The following CPA1 variants were observed in gnomAD, a reference collection of about 807,000 sequenced individuals.
CPA1 encodes the protein carboxypeptidase A1 (pancreatic).
In CPA1, 42 loss-of-function variants were observed where a neutral mutation model predicts 48.7. That is an observed-to-expected ratio of 0.86 (90% CI 0.67 to 1.11). The LOEUF (loss-of-function observed/expected upper bound fraction) is 1.11. Ranked by LOEUF, CPA1 falls within the 50% of genes most tolerant of loss-of-function variation. The pLI, the probability that CPA1 is intolerant of heterozygous loss-of-function variation, is 0.00. For missense variants in CPA1, 477 were observed against 544.7 expected (o/e 0.88, Z 1.24); for synonymous variants, 203 against 217.9 (o/e 0.93, Z 0.60).
chr7:130,381,919 G>A, intron 3 of CPA1, 56 bp downstream of exon 3: 2 of 1,509,352 alleles, frequency 1.3e-6, no homozygotes, highest in East Asian at 2.3e-5. Context: ...ATCATGGCTG[G>A]TAGAACGCGG....
In CPA1 at chr7:130,386,727, A is replaced by C. The variant is rs528349371; in HGVS notation, c.1072+804A>C. 5.3e-5 allele frequency among the ~76,000 whole-genome samples: 8 copies of C among 152,356 alleles called. No individual in the cohort carries two copies. In the South Asian group the frequency reaches 1.4e-3, roughly 28 times the overall value. On this transcript the variant is annotated intron_variant, in intron 9 of 9. Coordinates refer to ENST00000011292, the MANE Select transcript of CPA1 (RefSeq NM_001868.4). ...TGTTTCATGTACTTGGGATATAGCCATGAATGAAATAAGCAAAGATCAGGG... is the reference window on the plus strand; with the variant it reads ...TGTTTCATGTACTTGGGATATAGCCCTGAATGAAATAAGCAAAGATCAGGG...
Position 130,384,618 on chromosome 7 carries a change from G to A in CPA1, c.779G>A (p.Gly260Asp), listed in dbSNP as rs1554411743. The A allele has an allele frequency of 3.1e-6, 5 of 1,614,004 alleles. No individual in the cohort carries two copies. The South Asian group carries it at 4.4e-5, about 14-fold the overall frequency. The change falls in exon 7 of 10, where the codon GGC becomes GAC. Residue 260 changes from glycine to aspartate, a missense_variant. Coordinates refer to ENST00000011292, the MANE Select transcript of CPA1 (RefSeq NM_001868.4). ...GACCCCAACAGGAACTGGGACGCTG[G>A]CTTTGGGTGTAAGGCCCAGAGTGTC... ...GVDPNRNWDA[G>D]FGLSGASSNP...
At chr7:130,383,369 C>A in intron 4 of CPA1, 22 bp from the exon 5 acceptor site, 1 of 1,605,346 alleles carries the variant, frequency 6.2e-7, no homozygotes. Context: ...TGCCTCTGAT[C>A]ACTCCCCTGC....
Position 130,382,612 on chromosome 7 carries a change from T to A in CPA1, c.483+403T>A, listed in dbSNP as rs546958766. On this transcript the variant is annotated intron_variant, in intron 4 of 9. Coordinates refer to ENST00000011292, the MANE Select transcript of CPA1 (RefSeq NM_001868.4). The stretch of plus-strand genomic sequence containing the variant: ...CCGAGTAGCTGAGACTACAAGCACG[T>A]GCCACCATGCCCGGGTAATTTTTTT... 2.0e-5 allele frequency among the ~76,000 whole-genome samples: 3 copies of A among 147,630 alleles called. No homozygotes were observed. In the South Asian group the frequency reaches 6.4e-4, roughly 32 times the overall value.
intron 9 of CPA1, among the ~76,000 whole-genome samples, chr7:130,386,990 A>G (rs1796484350): frequency 6.6e-6 from 1 of 152,216 alleles, no homozygotes; most frequent in Admixed American, 6.5e-5. Flanking sequence ...CCAGCTAGGA[A>G]GAGCCTTCCA....
rs782710719 is a variant in CPA1 at position 130,381,858 on chromosome 7, G to C, written c.376G>C (p.Glu126Gln). The change falls in exon 3 of 10, where the codon GAG becomes CAG. Residue 126 changes from glutamate (E) to glutamine (Q), a missense_variant. By Grantham distance (29) the Glu-to-Gln change is conservative. Transcript: ENST00000011292. ...TAACTACGCCACCTACCACACCCTG[G>C]AGGAGGTGAGGGCGCCCCTAGCGGC... is the stretch of plus-strand genomic sequence containing the variant. ...TFNYATYHTL[E>Q]EIYDFLDLLV... 1 of 1,613,070 alleles carries C rather than the reference G, an allele frequency of 6.2e-7. No individual in the cohort carries two copies. The highest frequency in any genetic ancestry group is 8.5e-7 in the Non-Finnish European group (1 of 1,179,638).
In CPA1 at chr7:130,387,840, C is replaced by G; in HGVS notation, c.1089C>G (p.Ser363Arg). 1 of 1,614,020 alleles carries G rather than the reference C, an allele frequency of 6.2e-7. No individual in the cohort carries two copies. The highest frequency in any genetic ancestry group is 8.5e-7 in the Non-Finnish European group (1 of 1,179,986). ...IIKAIYQASG[S>R]TIDWTYSQGI... ...CTGCCCCAGATCAAGCCAGTGGAAGCACTATTGACTGGACCTACAGCCAGG... is the reference window on the plus strand; with the variant it reads ...CTGCCCCAGATCAAGCCAGTGGAAGGACTATTGACTGGACCTACAGCCAGG... Residue 363 changes from serine to arginine, a missense_variant, in exon 10 of 10, where the codon AGC becomes AGG. Coordinates refer to ENST00000011292, the MANE Select transcript of CPA1 (RefSeq NM_001868.4). This position sits in a 1 kb window ranked among gnomAD's most constrained non-coding sequence, Gnocchi z 4.6.
At position 130,387,835 on chromosome 7, in the gene CPA1, G is replaced by A; in HGVS notation, c.1084G>A (p.Gly362Arg). The A allele has an allele frequency of 6.2e-7, 1 of 1,613,936 alleles. No individual in the cohort carries two copies. Among genetic ancestry groups the A allele is most frequent in the Non-Finnish European group, 8.5e-7 (1 of 1,179,932 alleles). ...SIIKAIYQASGSTIDWTYSQG... is the reference protein window; with the variant it reads ...SIIKAIYQASRSTIDWTYSQG... Reference sequence around the variant, plus strand: ...TACTCCTGCCCCAGATCAAGCCAGTGGAAGCACTATTGACTGGACCTACAG... The same window carrying A: ...TACTCCTGCCCCAGATCAAGCCAGTAGAAGCACTATTGACTGGACCTACAG... The change falls in exon 10 of 10, where the codon GGA becomes AGA. Residue 362 changes from glycine (G) to arginine (R), a missense_variant. Coordinates refer to ENST00000011292, the MANE Select transcript of CPA1 (RefSeq NM_001868.4). The surrounding 1 kb of genome is among the most constrained non-coding windows in gnomAD (Gnocchi z 4.6).
chr7:130,382,057 C>A, intron 3 of CPA1, 51 bp from the exon 4 acceptor site: 2 of 1,492,368 alleles, frequency 1.3e-6, no homozygotes, highest in Non-Finnish European at 1.9e-6. Context: ...AGGGAAGCAT[C>A]TGGGTGCCCA....
chr7:130,384,426 C>CTT (rs1796445452), intron 6 of CPA1, 110 bp from the exon 7 acceptor site: 1 of 885,774 alleles, frequency 1.1e-6, no homozygotes, highest in East Asian at 2.5e-5. Flanking sequence ...CTCCAGGGAG[C>CTT]CCTCCCCTCA....
Position 130,381,850 on chromosome 7 carries a change from A to T in CPA1, c.368A>T (p.His123Leu). The T allele has an allele frequency of 6.2e-7, 1 of 1,613,364 alleles. No homozygotes were observed. The highest frequency in any genetic ancestry group is 8.5e-7 in the Non-Finnish European group (1 of 1,179,720). The change falls in exon 3 of 10, where the codon CAC becomes CTC. Residue 123 changes from histidine (H) to leucine (L), a missense_variant. Physicochemically the swap from His to Leu is moderately conservative, Grantham distance 99. Coordinates refer to ENST00000011292, the MANE Select transcript of CPA1 (RefSeq NM_001868.4). ...GACACTTTTAACTACGCCACCTACC[A>T]CACCCTGGAGGAGGTGAGGGCGCCC... ...STDTFNYATY[H>L]TLEEIYDFLD... is the part of the protein sequence containing the mutation.
chr7:130,381,753 G>T lies in CPA1; in HGVS notation c.271G>T (p.Glu91Ter). Residue 91 changes from glutamate to a stop codon, truncating the protein, a stop_gained, in exon 3 of 10, where the codon GAG becomes TAG. Coordinates refer to ENST00000011292, the MANE Select transcript of CPA1 (RefSeq NM_001868.4). LOFTEE classifies it high-confidence loss of function. Reference protein sequence around the residue: ...SHGISYETMIEDVQSLLDEEQ... With the variant: ...SHGISYETMI ...CGGCATCAGCTATGAGACCATGATC[G>T]AGGACGTGCAGTCGCTGCTGGACGA... 1 of 1,614,168 alleles carries T rather than the reference G, an allele frequency of 6.2e-7. No individual in the cohort carries two copies. Among genetic ancestry groups the T allele is most frequent in the Non-Finnish European group, 8.5e-7 (1 of 1,180,018 alleles).
rs1554412223 is a variant in CPA1, at chr7:130,387,852, G to A, written c.1101G>A (p.Trp367Ter). Reference sequence around the variant, plus strand: ...AAGCCAGTGGAAGCACTATTGACTGGACCTACAGCCAGGGCATCAAGTACT... The same window carrying A: ...AAGCCAGTGGAAGCACTATTGACTGAACCTACAGCCAGGGCATCAAGTACT... ...IYQASGSTID[W>*]TYSQGIKYSF... Residue 367 changes from tryptophan to a stop codon, truncating the protein, a stop_gained, in exon 10 of 10, where the codon TGG becomes TGA. Coordinates refer to ENST00000011292, the MANE Select transcript of CPA1 (RefSeq NM_001868.4). LOFTEE classifies it high-confidence loss of function. The surrounding 1 kb of genome is among the most constrained non-coding windows in gnomAD (Gnocchi z 4.6). 1.9e-6 allele frequency: 3 copies of A among 1,614,076 alleles called. No individual in the cohort carries two copies. The highest frequency in any genetic ancestry group is 2.5e-6 in the Non-Finnish European group (3 of 1,180,028).
rs969960156 is a variant in CPA1, at chr7:130,381,981, C to T, written c.381+118C>T. ...GTGTGCGCAGCGCCTGCTCTGTTTC[C>T]ATGTGGCCTGTGTGGTCGTAGCTCC... On this transcript the variant is annotated intron_variant, in intron 3 of 9. Transcript: ENST00000011292. 8 of 1,198,138 alleles carry T rather than the reference C, an allele frequency of 6.7e-6. No individual in the cohort carries two copies. The African/African-American group carries it at 1.2e-4, about 18-fold the overall frequency. 74.2% of individuals were successfully genotyped at this position (1,198,138 alleles called of 1,614,324 possible). A position where few individuals can be genotyped will look rare whatever the true frequency, so the allele number is the denominator to read the frequency against.
chr7:130,385,118 CA>C, intron 7 of CPA1, 27 bp from the exon 8 acceptor site: 1 of 1,610,840 alleles, frequency 6.2e-7, no homozygotes, highest in Non-Finnish European at 8.5e-7. Flanking sequence ...GGAGGAGCCA[CA>C]CCGCCATGCC....
At chr7:130,381,957 T>C (rs1331968194) in intron 3 of CPA1, 94 bp downstream of exon 3, 2 of 1,267,962 alleles carry the variant, frequency 1.6e-6, no homozygotes, top group African/African-American at 1.5e-5. Flanking sequence ...CCAGCCTGGG[T>C]GTGCGCAGCG....
chr7:130,381,614 C>T lies in CPA1; in HGVS notation c.148-16C>T, dbSNP rs1796404997. ...CCCCAGCCCGCTGTGACCGTGCCGG[C>T]TCTTGTCCTCCCCAGCTGGACTTCT... is the stretch of plus-strand genomic sequence containing the variant. On this transcript the variant is annotated splice_polypyrimidine_tract_variant and intron_variant, in intron 2 of 9. Coordinates refer to ENST00000011292, the MANE Select transcript of CPA1 (RefSeq NM_001868.4). 1.2e-6 allele frequency: 2 copies of T among 1,606,026 alleles called. No individual in the cohort carries two copies. The highest frequency in any genetic ancestry group is 1.3e-5 in the African/African-American group (1 of 74,774).
chr7:130,381,988 C>G, intron 3 of CPA1, 120 bp from the exon 4 acceptor site: 1 of 1,189,678 alleles, frequency 8.4e-7, no homozygotes, highest in Non-Finnish European at 1.2e-6. Flanking sequence ...TTCCATGTGG[C>G]CTGTGTGGTC....
Position 130,384,527 on chromosome 7 carries a change from C to T in CPA1, c.697-9C>T, listed in dbSNP as rs781827322. 3.7e-6 allele frequency: 6 copies of T among 1,613,772 alleles called. 1 individual carries two copies. In the African/African-American group the frequency reaches 8.0e-5, roughly 22 times the overall value. On this transcript the variant is annotated splice_polypyrimidine_tract_variant and intron_variant, in intron 6 of 9. Coordinates refer to ENST00000011292, the MANE Select transcript of CPA1 (RefSeq NM_001868.4). ...GCCTCGGGGTGGCTGATCCCATTTCCTTCCTCAGAATCGCATGTGGCGCAA... is the reference window on the plus strand; with the variant it reads ...GCCTCGGGGTGGCTGATCCCATTTCTTTCCTCAGAATCGCATGTGGCGCAA...
Sources: allele counts gnomAD v4.1 joint callset (sites outside exome capture counted in the v4.1 genomes callset), GRCh38; gene constraint gnomAD v4.1.1; non-coding constraint Gnocchi (gnomAD v3.1); transcripts MANE v1.5; gene names NCBI Gene and HGNC (gene_info 2026-07-23, HGNC 2026-07-21).